Variants in NR1I2 observed in about 807,000 individuals in gnomAD.
NR1I2 encodes the protein nuclear receptor subfamily 1 group I member 2, also known as orphan nuclear receptor PAR1.
A neutral mutation model predicts 43.3 loss-of-function variants in NR1I2; 42 were observed. The observed-to-expected ratio is 0.97, with a 90% CI of 0.76 to 1.26. NR1I2 has a LOEUF of 1.26. Among genes scored for constraint, NR1I2 ranks in the 50% most tolerant of loss-of-function variants. NR1I2 has a pLI of 0.00. For synonymous variants in NR1I2, 229 were observed against 215.0 expected (o/e 1.06, Z -0.57); for missense variants, 559 against 566.7 (o/e 0.99, Z 0.14).
chr3:119,788,704 C>A (rs867594116), intron 1 of NR1I2, among the ~76,000 whole-genome samples: 9 of 152,052 alleles, frequency 5.9e-5, no homozygotes, highest in South Asian at 2.1e-4. Flanking sequence ...TCCCTAAGTG[C>A]TGGGATTACA....
At chr3:119,782,626 C>A in intron 1 of NR1I2, 1 of 688,688 alleles carries the variant, frequency 1.5e-6, no homozygotes, top group Non-Finnish European at 2.6e-6. Context: ...GGCTGGAGTC[C>A]CTGGACCCAG....
At chr3:119,793,006 C>T (rs2054943122) in intron 1 of NR1I2, among the ~76,000 whole-genome samples, 1 of 152,074 alleles carries the variant, frequency 6.6e-6, no homozygotes, top group Admixed American at 6.6e-5. Context: ...GTGATTCTCA[C>T]TCTTAGTTCA....
At chr3:119,817,039 C>G (rs2055339361) in intron 8 of NR1I2, 29 bp from the exon 9 acceptor site, 3 of 1,613,984 alleles carry the variant, frequency 1.9e-6, no homozygotes, top group East Asian at 2.2e-5. Context: ...CGGGCTGCAC[C>G]CACAATCTTT....
chr3:119,803,349 AAGAGAG>A (rs3030842), intron 1 of NR1I2, among the ~76,000 whole-genome samples: 7 of 147,914 alleles, frequency 4.7e-5, no homozygotes, highest in African/African-American at 1.0e-4. Context: ...TCTGTCTCAA[AAGAGAG>A]AGAGAGAGAG....
In NR1I2 at chr3:119,815,369, C is replaced by G; in HGVS notation, c.984C>G (p.Tyr328Ter). 6.2e-7 allele frequency: 1 copy of G among 1,613,966 alleles called. No individual in the cohort carries two copies. Among genetic ancestry groups the G allele is most frequent in the Non-Finnish European group, 8.5e-7 (1 of 1,180,012 alleles). ...TGGAGCCCATGCTGAAATTCCACTA[C>G]ATGCTGAAGAAGCTGCAGCTGCATG... Residue 328 changes from tyrosine (Y) to a stop codon, truncating the protein, a stop_gained, in exon 7 of 9, where the codon TAC becomes TAG. Coordinates refer to ENST00000393716, the MANE Select transcript of NR1I2 (RefSeq NM_003889.4). LOFTEE classifies it high-confidence loss of function.
intron 2 of NR1I2, among the ~76,000 whole-genome samples, chr3:119,809,052 G>T (rs992342408): frequency 3.9e-5 from 6 of 152,180 alleles, no homozygotes; most frequent in African/African-American, 1.4e-4. Flanking sequence ...AGGTCACTGC[G>T]GGCTTGGCTC....
Position 119,818,009 on chromosome 3 carries a change from G to T in NR1I2, c.*797G>T. 1.0e-6 allele frequency: 1 copy of T among 985,558 alleles called. No homozygotes were observed. Among genetic ancestry groups the T allele is most frequent in the Non-Finnish European group, 1.2e-6 (1 of 830,016 alleles). The allele number at this position is 985,558 out of a possible 1,614,324, so 61.1% of individuals were successfully genotyped here. A position where few individuals can be genotyped will look rare whatever the true frequency, so the allele number is the denominator to read the frequency against. On this transcript the variant is annotated 3_prime_UTR_variant, in exon 9 of 9. Coordinates refer to ENST00000393716, the MANE Select transcript of NR1I2 (RefSeq NM_003889.4). ...GGAGAAATGATAAGTGACAAAAGCA[G>T]CACAAGGAATTTCCCTGTGTGGATG...
rs201940433 is a variant in NR1I2 at position 119,811,613 on chromosome 3, C to T, written c.406C>T (p.Gln136Ter). 7.1e-5 allele frequency: 115 copies of T among 1,613,922 alleles called. No individual in the cohort carries two copies. Among genetic ancestry groups the T allele is most frequent in the Non-Finnish European group, 8.6e-5 (102 of 1,179,980 alleles). ...GAAGAAAAGTGAACGGACAGGGACT[C>T]AGCCACTGGGAGTGCAGGGGCTGAC... The change falls in exon 4 of 9, where the codon CAG (glutamine) becomes TAG (stop). Residue 136 changes from glutamine to a stop codon, truncating the protein, a stop_gained. Coordinates refer to ENST00000393716, the MANE Select transcript of NR1I2 (RefSeq NM_003889.4). LOFTEE classifies it high-confidence loss of function.
At chr3:119,816,995 G>A (rs1236350761) in intron 8 of NR1I2, 73 bp from the exon 9 acceptor site, 1 of 1,594,482 alleles carries the variant, frequency 6.3e-7, no homozygotes, top group African/African-American at 1.3e-5. Flanking sequence ...TGCTTGTGCA[G>A]CCTCAGAGCA....
chr3:119,811,441 G>T (rs2055239509), intron 3 of NR1I2, 98 bp from the exon 4 acceptor site: 15 of 1,209,372 alleles, frequency 1.2e-5, no homozygotes, highest in Non-Finnish European at 1.7e-5. Flanking sequence ...TTTGCCTAAC[G>T]GCTTCTGCTG....
At chr3:119,813,760 G>A (rs962307309) in intron 5 of NR1I2, among the ~76,000 whole-genome samples, 1 of 151,898 alleles carries the variant, frequency 6.6e-6, no homozygotes. Flanking sequence ...GGGTTCAGAT[G>A]GTAGCAAATA....
chr3:119,806,613 T>C (rs1466929974), intron 1 of NR1I2, among the ~76,000 whole-genome samples: 4 of 152,260 alleles, frequency 2.6e-5, no homozygotes, highest in Non-Finnish European at 4.4e-5. Context: ...CACAAGTTCT[T>C]CAATATTCAC....
chr3:119,811,549 C>G lies in NR1I2; in HGVS notation c.342C>G (p.Ser114=), dbSNP rs201915734. ...TCACTGTCCCTGCAGTGATCATGTC[C>G]GACGAGGCCGTGGAGGAGAGGCGGG... Residue 114 remains serine, a synonymous_variant, in exon 4 of 9, where the codon TCC becomes TCG. Transcript: ENST00000393716. The G allele has an allele frequency of 7.8e-5, 126 of 1,612,464 alleles. No individual in the cohort carries two copies. The highest frequency in any genetic ancestry group is 5.5e-4 in the Admixed American group (33 of 59,896).
chr3:119,786,771 C>A (rs765232704), intron 1 of NR1I2, among the ~76,000 whole-genome samples: 1 of 152,214 alleles, frequency 6.6e-6, no homozygotes, highest in Non-Finnish European at 1.5e-5. Context: ...GAGCAGCTGA[C>A]TTCTCTTTCT....
At chr3:119,808,129 G>A (rs1172048683) in intron 2 of NR1I2, among the ~76,000 whole-genome samples, 1 of 152,228 alleles carries the variant, frequency 6.6e-6, no homozygotes, top group African/African-American at 2.4e-5. Context: ...ACAAGTCACA[G>A]GACACTTGTC....
intron 2 of NR1I2, among the ~76,000 whole-genome samples, chr3:119,808,838 C>T (rs185798868): frequency 3.0e-4 from 46 of 152,198 alleles, no homozygotes; most frequent in Non-Finnish European, 5.4e-4. Flanking sequence ...AATACCTAGC[C>T]TAGCATCTGA....
intron 5 of NR1I2, 53 bp downstream of exon 5, chr3:119,813,013 G>A: frequency 6.3e-7 from 1 of 1,595,152 alleles, no homozygotes; most frequent in Non-Finnish European, 8.5e-7. Context: ...GAAGTGGCCA[G>A]GAGGTTCAAA....
At chr3:119,789,033 T>A (rs2054882778) in intron 1 of NR1I2, among the ~76,000 whole-genome samples, 1 of 152,150 alleles carries the variant, frequency 6.6e-6, no homozygotes, top group African/African-American at 2.4e-5. Flanking sequence ...AGCTCCTGGG[T>A]GATCTGTATG....
At chr3:119,805,244 G>GTTTGT (rs1241615591) in intron 1 of NR1I2, among the ~76,000 whole-genome samples, 7 of 151,880 alleles carry the variant, frequency 4.6e-5, no homozygotes, top group Admixed American at 2.0e-4. Context: ...AGTTTTTTTG[G>GTTTGT]TTTGTTTTGT....
Sources: allele counts gnomAD v4.1 joint callset (sites outside exome capture counted in the v4.1 genomes callset), GRCh38; gene constraint gnomAD v4.1.1; transcripts MANE v1.5; gene names NCBI Gene and HGNC (gene_info 2026-07-23, HGNC 2026-07-21).